INSYN2A: variants seen among roughly 807,000 people sequenced by gnomAD.
INSYN2A encodes the protein inhibitory synaptic factor 2A, also known as family with sequence similarity 196 member A.
INSYN2A carries 17 observed loss-of-function variants against 39.4 expected under a neutral mutation model. The observed-to-expected ratio is 0.43, with a 90% CI of 0.30 to 0.65. The LOEUF is 0.65. INSYN2A is among the 30% of genes least tolerant of loss of function. The pLI is 0.14. For missense variants in INSYN2A, 595 were observed against 631.2 expected, an observed-to-expected ratio of 0.94 and a Z score of 0.61; for synonymous variants, 255 against 265.7, an observed-to-expected ratio of 0.96 and a Z score of 0.39.
intron 4 of INSYN2A, among the ~76,000 whole-genome samples, chr10:127,164,159 CTTTTTTTTTTTTTTTTTTTTTTTTTTT>C (rs528947051): frequency 9.4e-5 from 6 of 63,520 alleles, no homozygotes; most frequent in Non-Finnish European, 1.7e-4. Context: ...CATTTGCCTC[CTTTTTTTTTTTTTTTTTTTTTTTTTTT>C]TTTTTTTTTT....
intron 2 of INSYN2A, among the ~76,000 whole-genome samples, chr10:127,187,272 G>A (rs1168645611): frequency 1.3e-5 from 2 of 152,174 alleles, no homozygotes; most frequent in Non-Finnish European, 2.9e-5. Context: ...TACTTTACAA[G>A]GCTTGTGGAA....
chr10:127,139,623 A>T (rs1383390356), intron 5 of INSYN2A, among the ~76,000 whole-genome samples: 1 of 152,210 alleles, frequency 6.6e-6, no homozygotes, highest in Non-Finnish European at 1.5e-5. Context: ...TGCTGCATTA[A>T]TGAAATCCGG....
intron 2 of INSYN2A, among the ~76,000 whole-genome samples, chr10:127,184,766 C>G (rs1331926237): frequency 6.6e-6 from 1 of 152,166 alleles, no homozygotes; most frequent in Non-Finnish European, 1.5e-5. Flanking sequence ...GGTTCATTTT[C>G]CAGGACCGCG....
At chr10:127,142,764 G>A (rs61734102) in intron 5 of INSYN2A, among the ~76,000 whole-genome samples, 531 of 152,288 alleles carry the variant, frequency 3.5e-3, no homozygotes, top group Middle Eastern at 6.8e-3. Flanking sequence ...TGTGCCCTGG[G>A]GCTGTGTCGC....
rs367840893 is a variant in INSYN2A, at chr10:127,176,172, G to A, written c.224C>T (p.Ala75Val). The change falls in exon 4 of 6, where the codon GCC becomes GTC. Residue 75 changes from alanine (A) to valine (V), a missense_variant. This residue lies in a region of INSYN2A where 478 missense variants were observed against 467.4 expected (regional missense o/e 1.02). Coordinates refer to ENST00000522781, the MANE Select transcript of INSYN2A (RefSeq NM_001039762.3). This position sits in a 1 kb window ranked among gnomAD's most constrained non-coding sequence, Gnocchi z 4.4. Reference sequence around the variant, plus strand: ...GGCTGCTCTGCAGGACACGGGCTTGGCCTCCCGCTTCTCCCCCAGCTGGCC... The same window carrying A: ...GGCTGCTCTGCAGGACACGGGCTTGACCTCCCGCTTCTCCCCCAGCTGGCC... ...SSGQLGEKRE[A>V]KPVSCRAAYR... 14 of 1,613,992 alleles carry A rather than the reference G, an allele frequency of 8.7e-6. No individual in the cohort carries two copies. Among genetic ancestry groups the A allele is most frequent in the Non-Finnish European group, 1.2e-5 (14 of 1,180,034 alleles).
intron 2 of INSYN2A, among the ~76,000 whole-genome samples, chr10:127,178,304 A>G (rs1589798634): frequency 6.6e-6 from 1 of 152,312 alleles, no homozygotes; most frequent in East Asian, 1.9e-4. Context: ...ACAAAAAACA[A>G]TCTCTGCAGC....
In INSYN2A at chr10:127,136,030, C is replaced by T. The variant is rs1285178300; in HGVS notation, c.*1807G>A. ...ATCAACTTCCTCATTGTTCTTGCAC[C>T]AAAATATTTCTCAGTTCCTTTTATT... is the stretch of plus-strand genomic sequence containing the variant. On this transcript the variant is annotated 3_prime_UTR_variant, in exon 6 of 6. Coordinates refer to ENST00000522781, the MANE Select transcript of INSYN2A (RefSeq NM_001039762.3). The T allele has an allele frequency of 1.3e-5, 2 of 152,574 alleles. No individual in the cohort carries two copies. The highest frequency in any genetic ancestry group is 2.9e-5 in the Non-Finnish European group (2 of 68,034). 9.5% of individuals were successfully genotyped at this position (152,574 alleles called of 1,614,324 possible).
At chr10:127,151,726 C>T (rs540216639) in intron 5 of INSYN2A, among the ~76,000 whole-genome samples, 6 of 152,302 alleles carry the variant, frequency 3.9e-5, no homozygotes, top group Admixed American at 2.0e-4. Flanking sequence ...CACAGTGCCT[C>T]GCCCTCTACC....
At chr10:127,161,647 G>A (rs2053602699) in intron 4 of INSYN2A, among the ~76,000 whole-genome samples, 3 of 152,158 alleles carry the variant, frequency 2.0e-5, no homozygotes, top group Non-Finnish European at 2.9e-5. Context: ...CTGCCCGGCT[G>A]CCACCTTTTG....
intron 5 of INSYN2A, among the ~76,000 whole-genome samples, chr10:127,140,639 A>G (rs1006325521): frequency 2.1e-5 from 3 of 140,468 alleles, no homozygotes; most frequent in African/African-American, 7.7e-5. Context: ...TGACACACCA[A>G]GTCTCTGGGT....
chr10:127,169,675 TCAATATGTATTTACTATTTGGCC>T (rs967810791), intron 4 of INSYN2A, among the ~76,000 whole-genome samples: 1 of 152,196 alleles, frequency 6.6e-6, no homozygotes, highest in African/African-American at 2.4e-5. Flanking sequence ...AGACTGGCTG[TCAATATGTATTTACTATTTGGCC>T]CTTTGCAGAA....
intron 4 of INSYN2A, among the ~76,000 whole-genome samples, chr10:127,170,836 A>G (rs752444108): frequency 8.5e-5 from 13 of 152,256 alleles, no homozygotes; most frequent in African/African-American, 2.9e-4. Flanking sequence ...CAAGCATAAT[A>G]CTAAGAGCTC....
At chr10:127,186,795 G>A (rs1225394264) in intron 2 of INSYN2A, among the ~76,000 whole-genome samples, 2 of 152,060 alleles carry the variant, frequency 1.3e-5, no homozygotes, top group African/African-American at 4.8e-5. Context: ...GGGCAATGGG[G>A]ATGTATAAAG....
chr10:127,195,192 C>G (rs2134155266), intron 1 of INSYN2A, among the ~76,000 whole-genome samples: 1 of 152,316 alleles, frequency 6.6e-6, no homozygotes, highest in South Asian at 2.1e-4. Context: ...TGAGCATGAA[C>G]CAGCAAGATG....
intron 2 of INSYN2A, among the ~76,000 whole-genome samples, chr10:127,186,466 GC>G (rs1277593180): frequency 7.6e-6 from 1 of 131,632 alleles, no homozygotes; most frequent in Non-Finnish European, 1.5e-5. Flanking sequence ...CAGATCTCCT[GC>G]GATTTCACTC....
chr10:127,154,868 G>A (rs1277637765), intron 4 of INSYN2A, among the ~76,000 whole-genome samples: 2 of 152,208 alleles, frequency 1.3e-5, no homozygotes, highest in Non-Finnish European at 2.9e-5. Flanking sequence ...CCAGGCTGGA[G>A]TTGCCTTGGC....
At chr10:127,150,925 C>G (rs898553294) in intron 5 of INSYN2A, among the ~76,000 whole-genome samples, 5 of 152,328 alleles carry the variant, frequency 3.3e-5, no homozygotes, top group African/African-American at 7.2e-5. Context: ...AAGAAAACGT[C>G]TGGGCCTCAC....
At chr10:127,149,519 G>T (rs921631702) in intron 5 of INSYN2A, among the ~76,000 whole-genome samples, 2 of 152,210 alleles carry the variant, frequency 1.3e-5, no homozygotes, top group African/African-American at 4.8e-5. Context: ...AAAGCCCCAG[G>T]CAGCCGGGTC....
chr10:127,188,612 T>C (rs2056487293), intron 2 of INSYN2A, among the ~76,000 whole-genome samples: 1 of 152,176 alleles, frequency 6.6e-6, no homozygotes, highest in South Asian at 2.1e-4. Flanking sequence ...GTGGTTAATT[T>C]CTGGCCGTAG....
Sources: allele counts gnomAD v4.1 joint callset (sites outside exome capture counted in the v4.1 genomes callset), GRCh38; gene constraint gnomAD v4.1.1; regional missense constraint gnomAD v4.1.1; non-coding constraint Gnocchi (gnomAD v3.1); transcripts MANE v1.5; gene names NCBI Gene and HGNC (gene_info 2026-07-23, HGNC 2026-07-21).